The following PCDH7 variants were observed in gnomAD, a reference collection of about 807,000 sequenced individuals.
The protein encoded by PCDH7 is protocadherin 7, also known as protocadherin-7.
PCDH7 carries 17 observed loss-of-function variants against 58.9 expected under a neutral mutation model. That is an observed-to-expected ratio of 0.29 (90% CI 0.20 to 0.43). PCDH7 has a LOEUF of 0.43. PCDH7 is among the 20% of genes least tolerant of loss of function. PCDH7 has a pLI of 1.00. For missense variants in PCDH7, 1,274 were observed against 1,441.0 expected (o/e 0.88, Z 1.88); for synonymous variants, 664 against 616.4 (o/e 1.08, Z -1.14).
Position 30,722,245 on chromosome 4 carries a change from G to C in PCDH7, c.823G>C (p.Glu275Gln), listed in dbSNP as rs1434260847. 6.3e-7 allele frequency: 1 copy of C among 1,595,932 alleles called. No homozygotes were observed. The highest frequency in any genetic ancestry group is 1.1e-5 in the South Asian group (1 of 88,840). The change falls in exon 1 of 2, where the codon GAG (glutamate) becomes CAG (glutamine). Residue 275 changes from glutamate (E) to glutamine (Q), a missense_variant. Physicochemically the swap from Glu to Gln is conservative, Grantham distance 29. Coordinates refer to ENST00000361762, the Ensembl canonical transcript of PCDH7. The surrounding 1 kb of genome is among the most constrained non-coding windows in gnomAD (Gnocchi z 7.6). ...GGACCGCGAGCAGCGCGACTCCTAC[G>C]AGCTGACCCTGCGAGTGCGCGACGG...
At chr4:31,008,368 A>G (rs184604534) in intron 3 of PCDH7, among the ~76,000 whole-genome samples, 1 of 152,310 alleles carries the variant, frequency 6.6e-6, no homozygotes. Flanking sequence ...GGTTCGTAAA[A>G]ATAGACTTAT....
At chr4:31,063,072 G>A (rs539594158) in intron 3 of PCDH7, among the ~76,000 whole-genome samples, 3 of 151,840 alleles carry the variant, frequency 2.0e-5, no homozygotes, top group Non-Finnish European at 2.9e-5. Flanking sequence ...AGAATGAAGT[G>A]TAAAATGATG....
rs146583482 is a variant in PCDH7, at chr4:30,891,693, A to G, written c.71-28460A>G. 2.5e-3 allele frequency among the ~76,000 whole-genome samples: 373 copies of G among 152,060 alleles called. 3 individuals are homozygous for G. In the Middle Eastern group the frequency reaches 0.027, roughly 11 times the overall value. On this transcript the variant is annotated intron_variant, in intron 1 of 3. Coordinates refer to the PCDH7 transcript ENST00000509759. ...GGGAAGGGCAGGGAAATGACCAAAG[A>G]TCACTTATTGATTAATATAAAACTG... is the stretch of plus-strand genomic sequence containing the variant.
chr4:30,839,356 A>C (rs1185465312), intron 1 of PCDH7, among the ~76,000 whole-genome samples: 1 of 152,170 alleles, frequency 6.6e-6, no homozygotes, highest in African/African-American at 2.4e-5. Flanking sequence ...TATGTAAAAC[A>C]GAAGTAACGA....
intron 3 of PCDH7, among the ~76,000 whole-genome samples, chr4:31,130,187 T>G (rs974473855): frequency 6.6e-6 from 1 of 152,148 alleles, no homozygotes; most frequent in African/African-American, 2.4e-5. Context: ...CCTTTGATTA[T>G]AGTGCCAGAG....
intron 3 of PCDH7, among the ~76,000 whole-genome samples, chr4:31,028,605 G>A (rs151172129): frequency 2.0e-5 from 3 of 151,066 alleles, no homozygotes; most frequent in Non-Finnish European, 4.4e-5. Context: ...TTATGGCGAG[G>A]TCTTATCGCA....
At chr4:30,877,111 T>C (rs2109366898) in intron 1 of PCDH7, among the ~76,000 whole-genome samples, 1 of 152,232 alleles carries the variant, frequency 6.6e-6, no homozygotes, top group Non-Finnish European at 1.5e-5. Context: ...GTTAAAATAT[T>C]AGTGAATATT....
chr4:30,949,546 T>C (rs1334391152), intron 2 of PCDH7, among the ~76,000 whole-genome samples: 2 of 152,162 alleles, frequency 1.3e-5, no homozygotes, highest in Admixed American at 1.3e-4. Flanking sequence ...AACATGAACA[T>C]TTTAAAAACT....
intron 3 of PCDH7, among the ~76,000 whole-genome samples, chr4:30,994,549 C>T (rs1363069904): frequency 3.3e-5 from 5 of 152,106 alleles, no homozygotes; most frequent in Non-Finnish European, 7.4e-5. Flanking sequence ...TGAAAATCAG[C>T]TTTCTAATAT....
chr4:30,987,749 C>T (rs1751101952), intron 3 of PCDH7: 1 of 151,822 alleles, frequency 6.6e-6, no homozygotes, highest in Admixed American at 6.5e-5. Flanking sequence ...TATTTTGAGA[C>T]ATAATAGTAC....
chr4:30,835,224 C>T (rs938172739), intron 1 of PCDH7, among the ~76,000 whole-genome samples: 4 of 152,050 alleles, frequency 2.6e-5, no homozygotes, highest in African/African-American at 9.7e-5. Flanking sequence ...ATCCCAACCC[C>T]CGGGCCACGA....
At chr4:31,079,349 T>TAG (rs1759300074) in intron 3 of PCDH7, among the ~76,000 whole-genome samples, 2 of 90,552 alleles carry the variant, frequency 2.2e-5, no homozygotes, top group African/African-American at 9.9e-5. Context: ...TATATATATA[T>TAG]ATATATATAT....
chr4:30,779,003 GTTTTTTTTTT>G (rs386399674), intron 1 of PCDH7, among the ~76,000 whole-genome samples: 8 of 73,008 alleles, frequency 1.1e-4, no homozygotes, highest in Admixed American at 4.0e-4. Flanking sequence ...TCCTTACTCC[GTTTTTTTTTT>G]TTTTTTTTTT....
Position 30,844,279 on chromosome 4 carries a change from CAA to C in PCDH7, c.71-75872_71-75871del, listed in dbSNP as rs1313530986. On this transcript the variant is annotated intron_variant, in intron 1 of 3. Coordinates refer to the PCDH7 transcript ENST00000509759. ...TCCTGTGTCATGTAATGTTACTAAA[CAA>C]ACAAATAAAAACTCATCTTATCATT... Among the ~76,000 whole-genome samples, 4 of 152,242 alleles carry C rather than the reference CAA, an allele frequency of 2.6e-5. No homozygotes were observed. In the East Asian group the frequency reaches 7.7e-4, roughly 29 times the overall value.
intron 1 of PCDH7, among the ~76,000 whole-genome samples, chr4:30,836,539 T>G: frequency 6.6e-6 from 1 of 152,206 alleles, no homozygotes; most frequent in East Asian, 1.9e-4. Flanking sequence ...TAACCAATGC[T>G]GCCCAGGAGA....
intron 3 of PCDH7, among the ~76,000 whole-genome samples, chr4:31,120,677 T>C (rs1717583407): frequency 6.6e-6 from 1 of 152,176 alleles, no homozygotes; most frequent in Admixed American, 6.5e-5. Flanking sequence ...CAAATAAAGA[T>C]GCAGTGGCTA....
intron 1 of PCDH7, among the ~76,000 whole-genome samples, chr4:30,816,844 AT>A: frequency 6.6e-6 from 1 of 152,230 alleles, no homozygotes; most frequent in South Asian, 2.1e-4. Flanking sequence ...GAAAAGGGGC[AT>A]TTTTTGGATT....
chr4:30,792,775 C>A (rs531575889), intron 1 of PCDH7, among the ~76,000 whole-genome samples: 1 of 151,964 alleles, frequency 6.6e-6, no homozygotes, highest in Non-Finnish European at 1.5e-5. Context: ...CTGTTAAAGG[C>A]GGGTCAGCAT....
chr4:31,100,877 A>T (rs1333927345), intron 3 of PCDH7, among the ~76,000 whole-genome samples: 1 of 152,180 alleles, frequency 6.6e-6, no homozygotes, highest in African/African-American at 2.4e-5. Flanking sequence ...TTGGTTTCAT[A>T]ATCTCTGGAG....
Sources: gnomAD v4.1 joint callset for allele counts (sites outside exome capture counted in the v4.1 genomes callset) on GRCh38, gnomAD v4.1.1 for gene constraint, Gnocchi (gnomAD v3.1) non-coding constraint, MANE v1.5 for transcripts, NCBI Gene and HGNC (gene_info 2026-07-23, HGNC 2026-07-21) for gene names.